Variants in FBXO44 observed in about 807,000 individuals in gnomAD.
FBXO44 encodes the protein F-box protein 44.
Under a neutral mutation model 33.5 loss-of-function variants are expected in FBXO44, and 25 were observed. The ratio of observed to expected loss-of-function variants is 0.75; its 90% confidence interval spans 0.54 to 1.04. The LOEUF is 1.04. FBXO44 is among the 50% of genes least tolerant of loss of function. The probability of loss-of-function intolerance (pLI) is 0.00; values close to 1 mark genes in which losing one functional copy is unlikely to be tolerated. For synonymous variants in FBXO44, 147 were observed against 152.8 expected (o/e 0.96, Z 0.28); for missense variants, 311 against 344.0 (o/e 0.90, Z 0.76).
Position 11,658,340 on chromosome 1 carries a change from G to T in FBXO44, c.339G>T (p.Gln113His). 1 of 1,613,346 alleles carries T rather than the reference G, an allele frequency of 6.2e-7. No homozygotes were observed. The highest frequency in any genetic ancestry group is 8.5e-7 in the Non-Finnish European group (1 of 1,179,802). Residue 113 changes from glutamine to histidine, a missense_variant, in exon 3 of 6, where the codon CAG (glutamine) becomes CAT (histidine). By Grantham distance (24) the Gln-to-His change is conservative. Coordinates refer to ENST00000251547, the MANE Select transcript of FBXO44 (RefSeq NM_033182.7). The part of the protein sequence containing the change: ...EWKVEDLSRD[Q>H]RKEFPNDQVK... The stretch of plus-strand genomic sequence containing the variant: ...AGGTGGAGGATCTCTCTCGAGACCA[G>T]AGGAAGGAATTCCCCAATGACCAGG...
At chr1:11,655,706 C>T (rs759212304) in intron 1 of FBXO44, 100 bp from the exon 2 acceptor site, 1 of 1,284,916 alleles carries the variant, frequency 7.8e-7, no homozygotes, top group Non-Finnish European at 1.1e-6. Context: ...GGAGGTAAGG[C>T]ATCCATTTAC....
chr1:11,655,457 C>T (rs1639712022), intron 1 of FBXO44: 2 of 234,848 alleles, frequency 8.5e-6, no homozygotes, highest in African/African-American at 2.2e-5. Context: ...GTGACGGCAC[C>T]GGAGGCCTGG....
chr1:11,660,070 G>A (rs1640084019), intron 5 of FBXO44, among the ~76,000 whole-genome samples: 1 of 152,256 alleles, frequency 6.6e-6, no homozygotes, highest in African/African-American at 2.4e-5. Flanking sequence ...CCATAAGGTA[G>A]CCAGTAGCTA....
chr1:11,657,944 T>C (rs1639919441), intron 2 of FBXO44, among the ~76,000 whole-genome samples: 1 of 151,796 alleles, frequency 6.6e-6, no homozygotes, highest in Admixed American at 6.6e-5. Flanking sequence ...AAGCAACTGG[T>C]CCAAGGTCAG....
In FBXO44 at chr1:11,661,333, G is replaced by T. The variant is rs746928575; in HGVS notation, c.*60G>T. On this transcript the variant is annotated 3_prime_UTR_variant, in exon 6 of 6. Coordinates refer to ENST00000251547, the MANE Select transcript of FBXO44 (RefSeq NM_033182.7). This position sits in a 1 kb window ranked among gnomAD's most constrained non-coding sequence, Gnocchi z 4.4. ...GGTAAACAACTGCTGTCAGAAAAGG[G>T]CTGGGCTTGGGAAGGGGAGGTGGAG... The T allele has an allele frequency of 2.5e-6, 4 of 1,604,744 alleles. No individual in the cohort carries two copies. The African/African-American group carries it at 5.4e-5, about 21-fold the overall frequency.
intron 1 of FBXO44, 102 bp from the exon 2 acceptor site, chr1:11,655,704 G>A: frequency 1.6e-6 from 2 of 1,270,774 alleles, no homozygotes; most frequent in Non-Finnish European, 2.2e-6. Context: ...CTGGAGGTAA[G>A]GCATCCATTT....
At chr1:11,657,986 C>T (rs1639923738) in intron 2 of FBXO44, among the ~76,000 whole-genome samples, 2 of 152,160 alleles carry the variant, frequency 1.3e-5, no homozygotes, top group South Asian at 4.1e-4. Context: ...TGGGACTAGA[C>T]CCAGGTCTGT....
At chr1:11,657,954 G>C (rs1639920680) in intron 2 of FBXO44, among the ~76,000 whole-genome samples, 1 of 151,810 alleles carries the variant, frequency 6.6e-6, no homozygotes, top group Admixed American at 6.5e-5. Flanking sequence ...TCCAAGGTCA[G>C]ACAACCGAGT....
rs147180629 is a variant in FBXO44, at chr1:11,655,351, T to C, written c.-31+399T>C. On this transcript the variant is annotated intron_variant, in intron 1 of 5. Transcript: ENST00000251547. Reference sequence around the variant, plus strand: ...AGGCAGGAGATCATGTCCTCTGAGATCTTGAGAAGGTGGCTGGAGCCCTTT... The same window carrying C: ...AGGCAGGAGATCATGTCCTCTGAGACCTTGAGAAGGTGGCTGGAGCCCTTT... The C allele has an allele frequency of 4.3e-4, 69 of 162,094 alleles. 1 individual carries two copies. The South Asian group carries it at 5.8e-3, about 14-fold the overall frequency. 10.0% of individuals were successfully genotyped at this position (162,094 alleles called of 1,614,324 possible). A position where few individuals can be genotyped will look rare whatever the true frequency, so the allele number is the denominator to read the frequency against.
rs113474282 is a variant in FBXO44, at chr1:11,654,960, G to A, written c.-31+8G>A. On this transcript the variant is annotated splice_region_variant and intron_variant, in intron 1 of 5. Transcript: ENST00000251547. ...CGCGGCGGCCGAGCGCAGGTGACCGGCAGGAGGGGGCGCGGGGGGCGCTGG... is the reference window on the plus strand; with the variant it reads ...CGCGGCGGCCGAGCGCAGGTGACCGACAGGAGGGGGCGCGGGGGGCGCTGG... 23,230 of 145,580 alleles carry A rather than the reference G, an allele frequency of 0.16. 2,264 individuals carry two copies. The highest frequency in any genetic ancestry group is 0.26 in the South Asian group (1,355 of 5,258). 9.0% of individuals were successfully genotyped at this position (145,580 alleles called of 1,614,324 possible).
chr1:11,656,114 C>T lies in FBXO44; in HGVS notation c.265+14C>T, dbSNP rs767895426. The T allele has an allele frequency of 9.9e-6, 16 of 1,611,444 alleles. No homozygotes were observed. Among genetic ancestry groups the T allele is most frequent in the East Asian group, 2.2e-5 (1 of 44,852 alleles). On this transcript the variant is annotated intron_variant, in intron 2 of 5. Transcript: ENST00000251547. ...CGTGCGCTGAAGGTGGGGTACAGGC[C>T]GGGTCTGGCATGCCTCCAGTACACA...
Position 11,658,780 on chromosome 1 carries a change from T to C in FBXO44, c.533T>C (p.Val178Ala). The C allele has an allele frequency of 6.2e-7, 1 of 1,613,778 alleles. No homozygotes were observed. Among genetic ancestry groups the C allele is most frequent in the South Asian group, 1.1e-5 (1 of 91,070 alleles). Reference sequence around the variant, plus strand: ...TGCGGGTCCAAGTACCAGCTGTGCGTTCAGCTCCTGTCGTCCGCGCACGCG... The same window carrying C: ...TGCGGGTCCAAGTACCAGCTGTGCGCTCAGCTCCTGTCGTCCGCGCACGCG... ...PDCGSKYQLC[V>A]QLLSSAHAPL... The change falls in exon 5 of 6, where the codon GTT becomes GCT. Residue 178 changes from valine (V) to alanine (A), a missense_variant. Coordinates refer to ENST00000251547, the MANE Select transcript of FBXO44 (RefSeq NM_033182.7).
rs775615508 is a variant in FBXO44, at chr1:11,658,551, G to C, written c.411G>C (p.Gln137His). 6.2e-7 allele frequency: 1 copy of C among 1,613,178 alleles called. No individual in the cohort carries two copies. Reference sequence around the variant, plus strand: ...CCCCCAGCACCTGCCTCAAGTCCCAGGTGGTGGACCTCAAGGCCGAAGGGT... The same window carrying C: ...CCCCCAGCACCTGCCTCAAGTCCCACGTGGTGGACCTCAAGGCCGAAGGGT... Reference protein sequence around the residue: ...VTSYYTCLKSQVVDLKAEGYW... With the variant: ...VTSYYTCLKSHVVDLKAEGYW... The change falls in exon 4 of 6, where the codon CAG becomes CAC. Residue 137 changes from glutamine (Q) to histidine (H), a missense_variant. Coordinates refer to ENST00000251547, the MANE Select transcript of FBXO44 (RefSeq NM_033182.7).
Position 11,658,603 on chromosome 1 carries a change from CG to C in FBXO44, c.465del (p.Pro156ArgfsTer104), listed in dbSNP as rs759623811. On this transcript the variant is annotated frameshift_variant, in exon 4 of 6. Transcript: ENST00000251547. LOFTEE classifies it high-confidence loss of function. ...TTGGGAGGAGCTGATGGATACCACA[CG>C]GCCGGACATCGAGGTCAAGGACTGG... ...GYWEELMDTT[R>X]PDIEVKDWFA... 3 of 1,613,230 alleles carry C rather than the reference CG, an allele frequency of 1.9e-6. No individual in the cohort carries two copies. Among genetic ancestry groups the C allele is most frequent in the Non-Finnish European group, 1.7e-6 (2 of 1,179,816 alleles).
intron 5 of FBXO44, among the ~76,000 whole-genome samples, chr1:11,660,072 C>T (rs972467279): frequency 3.3e-5 from 5 of 152,226 alleles, no homozygotes; most frequent in Non-Finnish European, 5.9e-5. Flanking sequence ...ATAAGGTAGC[C>T]AGTAGCTACA....
At chr1:11,654,571 G>A (rs1639633326), upstream of FBXO44, 2 of 381,260 alleles carry the variant, frequency 5.2e-6, no homozygotes, top group Non-Finnish European at 4.6e-6. Flanking sequence ...GGACCGAGGA[G>A]GCTGGGAAAG....
At chr1:11,654,409 G>C (rs1007440385), upstream of FBXO44, 2 of 1,319,814 alleles carry the variant, frequency 1.5e-6, no homozygotes, top group South Asian at 1.9e-5. Context: ...GGGGCGGCGA[G>C]TCCCGGCGCT....
At chr1:11,659,417 G>A (rs1376518378) in intron 5 of FBXO44, among the ~76,000 whole-genome samples, 1 of 152,116 alleles carries the variant, frequency 6.6e-6, no homozygotes, top group African/African-American at 2.4e-5. Context: ...ATTCCAAAAG[G>A]TTGACTGACT....
At chr1:11,654,432 G>T (rs964150926), upstream of FBXO44, 688 of 1,253,406 alleles carry the variant, frequency 5.5e-4, 1 homozygote, top group Non-Finnish European at 6.6e-4. Flanking sequence ...CCGCGTCTGT[G>T]TCGGTCCCGG....
Sources: allele counts gnomAD v4.1 joint callset (sites outside exome capture counted in the v4.1 genomes callset), GRCh38; gene constraint gnomAD v4.1.1; non-coding constraint Gnocchi (gnomAD v3.1); transcripts MANE v1.5; gene names NCBI Gene and HGNC (gene_info 2026-07-23, HGNC 2026-07-21).